The following FHIP1B variants were observed in gnomAD, a reference collection of about 807,000 sequenced individuals.
FHIP1B encodes the protein FHF complex subunit HOOK interacting protein 1B, also known as FHF complex subunit HOOK-interacting protein 1B.
In FHIP1B, 28 loss-of-function variants were observed where a neutral mutation model predicts 82.2. That is an observed-to-expected ratio of 0.34 (90% CI 0.25 to 0.47). The LOEUF (loss-of-function observed/expected upper bound fraction) is 0.47. Among genes scored for constraint, FHIP1B ranks in the 20% least tolerant of loss-of-function variants. FHIP1B has a pLI of 1.00. For missense variants in FHIP1B, 1,110 were observed against 1,262.6 expected (o/e 0.88, Z 1.83); for synonymous variants, 585 against 516.1 (o/e 1.13, Z -1.81).
intron 6 of FHIP1B, among the ~76,000 whole-genome samples, chr11:6,220,061 A>G (rs576232246): frequency 1.4e-4 from 21 of 152,228 alleles, no homozygotes; most frequent in Non-Finnish European, 2.4e-4. Context: ...CTCACATCCT[A>G]ATCTCCAGAC....
chr11:6,223,857 A>G lies in FHIP1B; in HGVS notation c.530T>C (p.Val177Ala), dbSNP rs1245244409. 6 of 1,614,090 alleles carry G rather than the reference A, an allele frequency of 3.7e-6. No homozygotes were observed. The highest frequency in any genetic ancestry group is 5.1e-6 in the Non-Finnish European group (6 of 1,180,042). ...AACACACAGCTGGCTGAGAAGTAGC[A>G]CCAAGCCTTCATCCAGTGCTGGGCT... ...PSSPALDEGL[V>A]LLLSQLCVCV... is the part of the protein sequence containing the mutation. Residue 177 changes from valine (V) to alanine (A), a missense_variant, in exon 3 of 12, where the codon GTG becomes GCG. Val to Ala is a moderately conservative substitution (Grantham distance 64). Transcript: ENST00000449352. The surrounding 1 kb of genome is among the most constrained non-coding windows in gnomAD (Gnocchi z 4.8).
chr11:6,219,074 G>C, intron 6 of FHIP1B, 24 bp from the exon 7 acceptor site: 4 of 1,567,716 alleles, frequency 2.6e-6, no homozygotes, highest in Non-Finnish European at 3.5e-6. Flanking sequence ...GGGGAGGGAG[G>C]GAGTCACCAT....
At chr11:6,233,683 T>C (rs945458276) in intron 1 of FHIP1B, among the ~76,000 whole-genome samples, 4 of 152,210 alleles carry the variant, frequency 2.6e-5, no homozygotes, top group Admixed American at 2.0e-4. Flanking sequence ...GCAAACCATA[T>C]GACCTCCATA....
rs1847070225 is a variant in FHIP1B at position 6,211,476 on chromosome 11, C to G, written c.*30G>C. The stretch of plus-strand genomic sequence containing the variant: ...TGTGCCCTAGCCCCAGCCCGGGCCA[C>G]CCATGGCCCTGATTGTCCATGGAAG... On this transcript the variant is annotated 3_prime_UTR_variant, in exon 12 of 12. Coordinates refer to ENST00000449352, the MANE Select transcript of FHIP1B (RefSeq NM_001098794.2). The G allele has an allele frequency of 6.5e-7, 1 of 1,544,782 alleles. No homozygotes were observed. Among genetic ancestry groups the G allele is most frequent in the African/African-American group, 1.4e-5 (1 of 72,306 alleles).
intron 1 of FHIP1B, among the ~76,000 whole-genome samples, chr11:6,231,467 TTC>T (rs1203365491): frequency 6.6e-6 from 1 of 150,808 alleles, no homozygotes; most frequent in Non-Finnish European, 1.5e-5. Flanking sequence ...ATGATATATT[TTC>T]TTTTTTTTTT....
intron 9 of FHIP1B, among the ~76,000 whole-genome samples, chr11:6,216,141 G>A (rs138348610): frequency 3.3e-5 from 5 of 152,234 alleles, no homozygotes; most frequent in Non-Finnish European, 7.3e-5. Flanking sequence ...TAGTGGTACT[G>A]AGCTGAAAGG....
rs1847277914 is a variant in FHIP1B, at chr11:6,217,715, C to T, written c.1871G>A (p.Gly624Glu). The change falls in exon 9 of 12, where the codon GGG (glycine) becomes GAG (glutamate). Residue 624 changes from glycine to glutamate, a missense_variant. Around this residue, in one of 6 missense-constraint regions of FHIP1B, gnomAD observed 418 missense variants for 371.4 expected, o/e 1.13. Coordinates refer to ENST00000449352, the MANE Select transcript of FHIP1B (RefSeq NM_001098794.2). ...AGGGGGCAGGTGACCAGGGCCCTCC[C>T]CTGCACCCCCAGCCCGCCCCCTCCT... ...LGRRGRAGGA[G>E]EGPGHLPPPQ... 1.2e-6 allele frequency: 2 copies of T among 1,610,632 alleles called. No individual in the cohort carries two copies. Among genetic ancestry groups the T allele is most frequent in the Non-Finnish European group, 1.7e-6 (2 of 1,178,274 alleles).
rs368627190 is a variant in FHIP1B, at chr11:6,222,662, G to A, written c.1024-53C>T. 75 of 1,597,894 alleles carry A rather than the reference G, an allele frequency of 4.7e-5. 1 individual carries two copies. In the East Asian group the frequency reaches 7.6e-4, roughly 16 times the overall value. On this transcript the variant is annotated intron_variant, in intron 5 of 11. Transcript: ENST00000449352. ...AATGCACAGCTTCCCTGCACATACA[G>A]GGCCATTTTCCCTGGATTCTAAGAG...
At chr11:6,229,728 C>T (rs978025635) in intron 1 of FHIP1B, among the ~76,000 whole-genome samples, 2 of 152,078 alleles carry the variant, frequency 1.3e-5, no homozygotes, top group Non-Finnish European at 2.9e-5. Context: ...CCTTCCTCAC[C>T]CACCTGCCCA....
In FHIP1B at chr11:6,223,386, AC is replaced by A; in HGVS notation, c.778-149del. 9.7e-7 allele frequency: 1 copy of A among 1,026,370 alleles called. No individual in the cohort carries two copies. The highest frequency in any genetic ancestry group is 1.7e-5 in the South Asian group (1 of 59,766). The allele number at this position is 1,026,370 out of a possible 1,614,324, so 63.6% of individuals were successfully genotyped here. ...CATTTGCCTACCCAATGTGCCTGAA[AC>A]TCACCTAGAATTCACAGGCCTACAA... On this transcript the variant is annotated intron_variant, in intron 3 of 11. Transcript: ENST00000449352. The surrounding 1 kb of genome is among the most constrained non-coding windows in gnomAD (Gnocchi z 4.8).
chr11:6,230,703 T>C (rs1002104504), intron 1 of FHIP1B, among the ~76,000 whole-genome samples: 4 of 152,232 alleles, frequency 2.6e-5, no homozygotes, highest in African/African-American at 9.6e-5. Context: ...TGAATCCTCA[T>C]GTCACACACA....
chr11:6,229,056 C>G (rs749414177), intron 1 of FHIP1B, among the ~76,000 whole-genome samples: 4 of 152,184 alleles, frequency 2.6e-5, no homozygotes, highest in Non-Finnish European at 4.4e-5. Flanking sequence ...CCAGCTTGAG[C>G]TATCTGCCAC....
chr11:6,211,564 T>G lies in FHIP1B; in HGVS notation c.2861A>C (p.Glu954Ala). 1 of 1,613,896 alleles carries G rather than the reference T, an allele frequency of 6.2e-7. No homozygotes were observed. Among genetic ancestry groups the G allele is most frequent in the Non-Finnish European group, 8.5e-7 (1 of 1,179,916 alleles). Residue 954 changes from glutamate (E) to alanine (A), a missense_variant, in exon 12 of 12, where the codon GAG (glutamate) becomes GCG (alanine). This residue lies in a region of FHIP1B where 29 missense variants were observed against 21.5 expected (regional missense o/e 1.35). Transcript: ENST00000449352. ...AHAVTSPFLLETSEEGSGPLI... is the reference protein window; with the variant it reads ...AHAVTSPFLLATSEEGSGPLI... ...AGGGCCAGATCCTTCCTCTGAAGTC[T>G]CCAACAAGAAAGGCGAGGTGACGGC... is the stretch of plus-strand genomic sequence containing the variant.
chr11:6,214,446 G>A lies in FHIP1B; in HGVS notation c.2522C>T (p.Ala841Val), dbSNP rs1210227079. 6.2e-7 allele frequency: 1 copy of A among 1,613,584 alleles called. No individual in the cohort carries two copies. Among genetic ancestry groups the A allele is most frequent in the Non-Finnish European group, 8.5e-7 (1 of 1,179,824 alleles). The change falls in exon 11 of 12, where the codon GCA (alanine) becomes GTA (valine). Residue 841 changes from alanine (A) to valine (V), a missense_variant. Around this residue, in one of 6 missense-constraint regions of FHIP1B, gnomAD observed 147 missense variants for 154.0 expected, o/e 0.95. Transcript: ENST00000449352. ...RGKLDWAEGP[A>V]AGPAPRRSDP... ...AGAACGGCGTGGGGCAGGTCCTGCT[G>A]CAGGGCCCTCAGCCCAGTCCAACTT... is the stretch of plus-strand genomic sequence containing the variant.
chr11:6,227,457 T>C (rs1457767858), intron 1 of FHIP1B, among the ~76,000 whole-genome samples: 1 of 152,082 alleles, frequency 6.6e-6, no homozygotes, highest in East Asian at 1.9e-4. Flanking sequence ...TCATAGGAAG[T>C]ATAGGAGATT....
intron 1 of FHIP1B, among the ~76,000 whole-genome samples, chr11:6,233,863 G>GTCCAA (rs1433775419): frequency 6.6e-6 from 1 of 152,178 alleles, no homozygotes; most frequent in African/African-American, 2.4e-5. Flanking sequence ...ATGCAGTCCA[G>GTCCAA]AGAAGGAACT....
Position 6,224,153 on chromosome 11 carries a change from T to C in FHIP1B, c.234A>G (p.Thr78=), listed in dbSNP as rs1297898356. The C allele has an allele frequency of 6.2e-7, 1 of 1,613,886 alleles. No individual in the cohort carries two copies. ...GAACTGCACGGTCCTCTGCCAGCAGTGTCAACATCTGGTAAGTGTGGTTGC... is the reference window on the plus strand; with the variant it reads ...GAACTGCACGGTCCTCTGCCAGCAGCGTCAACATCTGGTAAGTGTGGTTGC... The part of the protein sequence containing the change: ...AVRNHTYQML[T]LLAEDRAVPS... Residue 78 remains threonine (T), a synonymous_variant, in exon 3 of 12, where the codon ACA becomes ACG. Transcript: ENST00000449352.
In FHIP1B at chr11:6,218,087, G is replaced by C. The variant is rs1292353426; in HGVS notation, c.1499C>G (p.Ser500Cys). ...VTTVPRPSTPSRLALFLRQQS... is the reference protein window; with the variant it reads ...VTTVPRPSTPCRLALFLRQQS... ...CTGCCGCAGGAAGAGAGCCAGACGA[G>C]ATGGTGTGGAGGGCCGGGGTACTGT... Residue 500 changes from serine (S) to cysteine (C), a missense_variant, in exon 9 of 12, where the codon TCT becomes TGT. This residue lies in a region of FHIP1B where 418 missense variants were observed against 371.4 expected (regional missense o/e 1.13). Transcript: ENST00000449352. 2 of 1,613,722 alleles carry C rather than the reference G, an allele frequency of 1.2e-6. No homozygotes were observed. Among genetic ancestry groups the C allele is most frequent in the Non-Finnish European group, 1.7e-6 (2 of 1,179,862 alleles).
chr11:6,221,972 G>A (rs1203521142), intron 6 of FHIP1B, among the ~76,000 whole-genome samples: 1 of 152,178 alleles, frequency 6.6e-6, no homozygotes, highest in African/African-American at 2.4e-5. Context: ...AAAGTAGATA[G>A]GTGGGTGGAT....
Sources: allele counts gnomAD v4.1 joint callset (sites outside exome capture counted in the v4.1 genomes callset), GRCh38; gene constraint gnomAD v4.1.1; regional missense constraint gnomAD v4.1.1; non-coding constraint Gnocchi (gnomAD v3.1); transcripts MANE v1.5; gene names NCBI Gene and HGNC (gene_info 2026-07-23, HGNC 2026-07-21).